SLC23A2: variants seen among roughly 807,000 people sequenced by gnomAD.
SLC23A2 encodes the protein solute carrier family 23 member 2.
In SLC23A2, 36 loss-of-function variants were observed where a neutral mutation model predicts 73.3. That is an observed-to-expected ratio of 0.49 (90% CI 0.38 to 0.65). SLC23A2 has a LOEUF of 0.65. SLC23A2 is among the 30% of genes least tolerant of loss of function. The pLI, the probability that SLC23A2 is intolerant of heterozygous loss-of-function variation, is 0.00. For missense variants in SLC23A2, 507 were observed against 841.6 expected (o/e 0.60, Z 4.92); for synonymous variants, 343 against 327.3 (o/e 1.05, Z -0.52).
intron 7 of SLC23A2, 36 bp downstream of exon 7, chr20:4,885,785 G>T: frequency 7.0e-7 from 1 of 1,424,820 alleles, no homozygotes; most frequent in African/African-American, 1.4e-5. Context: ...TGCATTAAAG[G>T]ACCCCAATGA....
chr20:4,885,434 T>C (rs1172700164), intron 7 of SLC23A2, among the ~76,000 whole-genome samples: 1 of 152,194 alleles, frequency 6.6e-6, no homozygotes. Context: ...AGCCAGATCC[T>C]TAAAAAGCAA....
intron 1 of SLC23A2, among the ~76,000 whole-genome samples, chr20:5,000,467 G>T (rs2088100241): frequency 6.6e-6 from 1 of 152,058 alleles, no homozygotes; most frequent in South Asian, 2.1e-4. Flanking sequence ...CCTTCTCTGC[G>T]CGCAGATGAC....
chr20:4,898,057 CTG>C (rs999784270), intron 6 of SLC23A2, among the ~76,000 whole-genome samples: 1 of 152,220 alleles, frequency 6.6e-6, no homozygotes, highest in African/African-American at 2.4e-5. Flanking sequence ...GCCCTGAACA[CTG>C]TACCCAAAGA....
rs1211378662 is a variant in SLC23A2, at chr20:4,868,873, A to T, written c.1251-998T>A. 6.6e-6 allele frequency: 1 copy of T among 152,252 alleles called. No individual in the cohort carries two copies. Among genetic ancestry groups the T allele is most frequent in the Non-Finnish European group, 1.5e-5 (1 of 68,074 alleles). 9.4% of individuals were successfully genotyped at this position (152,252 alleles called of 1,614,324 possible). A position where few individuals can be genotyped will look rare whatever the true frequency, so the allele number is the denominator to read the frequency against. ...CTAATCATAAACCCCATAGTTCATA[A>T]GCCCTAGATCCCACAGATTTCATTC... On this transcript the variant is annotated intron_variant, in intron 12 of 16. Coordinates refer to ENST00000338244, the MANE Select transcript of SLC23A2 (RefSeq NM_005116.6). This position sits in a 1 kb window ranked among gnomAD's most constrained non-coding sequence, Gnocchi z 4.4.
intron 6 of SLC23A2, among the ~76,000 whole-genome samples, chr20:4,895,540 A>T (rs1336874246): frequency 6.6e-6 from 1 of 152,218 alleles, no homozygotes; most frequent in African/African-American, 2.4e-5. Flanking sequence ...AACACAATAG[A>T]TTCATTAAAA....
intron 3 of SLC23A2, among the ~76,000 whole-genome samples, chr20:4,924,581 G>T (rs1017262120): frequency 6.6e-6 from 1 of 152,280 alleles, no homozygotes; most frequent in East Asian, 1.9e-4. Flanking sequence ...GCCTCCAAAG[G>T]TTTTTTTCAG....
chr20:4,871,739 C>T (rs1326090207), intron 11 of SLC23A2, among the ~76,000 whole-genome samples: 1 of 152,116 alleles, frequency 6.6e-6, no homozygotes, highest in East Asian at 1.9e-4. Flanking sequence ...GCTCGACACA[C>T]CCTATGCCAC....
rs762293198 is a variant in SLC23A2, at chr20:4,863,481, C to T, written c.1357-574G>A. Among the ~76,000 whole-genome samples the T allele has an allele frequency of 6.6e-6, 1 of 152,220 alleles. No individual in the cohort carries two copies. The highest frequency in any genetic ancestry group is 1.5e-5 in the Non-Finnish European group (1 of 68,048). ...TCTCAGGATCTTCATCTCAGTCACA[C>T]ACAAGCCTCGTGGTTTTGTTTTGAG... On this transcript the variant is annotated intron_variant, in intron 13 of 16. Coordinates refer to ENST00000338244, the MANE Select transcript of SLC23A2 (RefSeq NM_005116.6). The surrounding 1 kb of genome is among the most constrained non-coding windows in gnomAD (Gnocchi z 4.8).
intron 2 of SLC23A2, among the ~76,000 whole-genome samples, chr20:4,967,302 C>T (rs534596544): frequency 6.6e-6 from 1 of 152,004 alleles, no homozygotes; most frequent in African/African-American, 2.4e-5. Context: ...TTTTTTAACA[C>T]CATACAGAAA....
intron 3 of SLC23A2, among the ~76,000 whole-genome samples, chr20:4,914,114 G>C (rs1932247814): frequency 6.6e-6 from 1 of 151,410 alleles, no homozygotes; most frequent in Non-Finnish European, 1.5e-5. Context: ...CTGGCATTGT[G>C]AAATACACTA....
At chr20:4,865,677 G>A (rs867596015) in intron 13 of SLC23A2, among the ~76,000 whole-genome samples, 3 of 151,876 alleles carry the variant, frequency 2.0e-5, no homozygotes, top group African/African-American at 7.3e-5. Flanking sequence ...TCCTACAGTC[G>A]TCCCTAGGGA....
rs1036242691 is a variant in SLC23A2 at position 4,856,086 on chromosome 20, T to C, written c.*886A>G. 6.6e-6 allele frequency: 1 copy of C among 152,420 alleles called. No individual in the cohort carries two copies. Among genetic ancestry groups the C allele is most frequent in the Non-Finnish European group, 1.5e-5 (1 of 68,036 alleles). The allele number at this position is 152,420 out of a possible 1,614,324, so 9.4% of individuals were successfully genotyped here. On this transcript the variant is annotated 3_prime_UTR_variant, in exon 17 of 17. Transcript: ENST00000338244. This position sits in a 1 kb window ranked among gnomAD's most constrained non-coding sequence, Gnocchi z 4.6. ...ATTAAATAGGAATAAAACCTTGTAA[T>C]TATAGACGCGCGCGACAATAACATC...
intron 11 of SLC23A2, among the ~76,000 whole-genome samples, chr20:4,871,285 G>A (rs1930436670): frequency 6.6e-6 from 1 of 152,166 alleles, no homozygotes; most frequent in African/African-American, 2.4e-5. Context: ...ACTTCAAATG[G>A]AGGCAAGCTG....
chr20:4,870,603 A>G (rs1767545822), intron 11 of SLC23A2, among the ~76,000 whole-genome samples: 1 of 152,068 alleles, frequency 6.6e-6, no homozygotes, highest in South Asian at 2.1e-4. Flanking sequence ...AAAAAGAAGA[A>G]GACATTGTTG....
intron 4 of SLC23A2, among the ~76,000 whole-genome samples, chr20:4,909,392 C>T (rs577412883): frequency 5.3e-5 from 8 of 152,192 alleles, no homozygotes; most frequent in East Asian, 1.9e-4. Context: ...CCGCTGGTTA[C>T]GTAGAATATA....
intron 3 of SLC23A2, among the ~76,000 whole-genome samples, chr20:4,931,845 A>G (rs562629958): frequency 6.6e-6 from 1 of 152,356 alleles, no homozygotes; most frequent in Non-Finnish European, 1.5e-5. Context: ...TATTAAGAGG[A>G]AAACATCTTG....
At chr20:4,951,204 C>T (rs1049791775) in intron 2 of SLC23A2, among the ~76,000 whole-genome samples, 1 of 152,074 alleles carries the variant, frequency 6.6e-6, no homozygotes, top group Non-Finnish European at 1.5e-5. Flanking sequence ...GGAAGAAAAA[C>T]ATTTTTTAAG....
chr20:4,883,611 T>A lies in SLC23A2; in HGVS notation c.824+31A>T, dbSNP rs1217693087. 6.6e-7 allele frequency: 1 copy of A among 1,514,724 alleles called. No individual in the cohort carries two copies. Among genetic ancestry groups the A allele is most frequent in the Non-Finnish European group, 9.0e-7 (1 of 1,106,248 alleles). The allele number at this position is 1,514,724 out of a possible 1,614,324, so 93.8% of individuals were successfully genotyped here. A position where few individuals can be genotyped will look rare whatever the true frequency, so the allele number is the denominator to read the frequency against. On this transcript the variant is annotated intron_variant, in intron 9 of 16. Transcript: ENST00000338244. The surrounding 1 kb of genome is among the most constrained non-coding windows in gnomAD (Gnocchi z 4.5). ...AATGTTCCTAAAGGCTGCCCCGCAG[T>A]GGTGGGATGAGGGGAGATGTTTCCA...
intron 2 of SLC23A2, among the ~76,000 whole-genome samples, chr20:4,939,842 T>TA (rs1296583832): frequency 6.6e-6 from 1 of 152,084 alleles, no homozygotes; most frequent in African/African-American, 2.4e-5. Flanking sequence ...AAGAAAACGA[T>TA]AAAATATTAC....
Sources: gnomAD v4.1 joint callset for allele counts (sites outside exome capture counted in the v4.1 genomes callset) on GRCh38, gnomAD v4.1.1 for gene constraint, Gnocchi (gnomAD v3.1) non-coding constraint, MANE v1.5 for transcripts, NCBI Gene and HGNC (gene_info 2026-07-23, HGNC 2026-07-21) for gene names.